The following WDR7 variants were observed in gnomAD, a reference collection of about 807,000 sequenced individuals.
WDR7 encodes WD repeat-containing protein 7.
In WDR7, 46 loss-of-function variants were observed where a neutral mutation model predicts 169.4. The ratio of observed to expected loss-of-function variants is 0.27; its 90% CI spans 0.21 to 0.35. The LOEUF (loss-of-function observed/expected upper bound fraction) is 0.35, where lower values mean the gene tolerates loss of function less well. Among genes scored for constraint, WDR7 ranks in the 10% least tolerant of loss-of-function variants. The pLI is 1.00. For synonymous variants in WDR7, 612 were observed against 666.8 expected (o/e 0.92, Z 1.27); for missense variants, 1,534 against 1,859.3 (o/e 0.83, Z 3.22).
intron 9 of WDR7, among the ~76,000 whole-genome samples, chr18:56,693,140 C>G (rs1316665907): frequency 2.0e-5 from 3 of 152,188 alleles, no homozygotes; most frequent in Non-Finnish European, 4.4e-5. Flanking sequence ...TTGGCTAATG[C>G]TTTTAGCTGT....
At chr18:56,786,914 T>C (rs922029268) in intron 19 of WDR7, among the ~76,000 whole-genome samples, 6 of 151,612 alleles carry the variant, frequency 4.0e-5, no homozygotes, top group Non-Finnish European at 8.8e-5. Context: ...GTAAATAGTT[T>C]TTGCCATTAA....
At chr18:56,907,654 A>G (rs1391099162) in intron 21 of WDR7, among the ~76,000 whole-genome samples, 2 of 152,218 alleles carry the variant, frequency 1.3e-5, no homozygotes, top group Non-Finnish European at 2.9e-5. Context: ...ATTAAAAAAC[A>G]GAAATGTATT....
intron 20 of WDR7, among the ~76,000 whole-genome samples, chr18:56,867,241 T>C (rs887758116): frequency 4.6e-5 from 7 of 152,136 alleles, no homozygotes; most frequent in Non-Finnish European, 7.4e-5. Flanking sequence ...TTCACCATGT[T>C]GCCTAGGCTG....
At chr18:56,899,757 A>C (rs2046375813) in intron 21 of WDR7, among the ~76,000 whole-genome samples, 1 of 152,082 alleles carries the variant, frequency 6.6e-6, no homozygotes, top group African/African-American at 2.4e-5. Flanking sequence ...ACTAATCTTG[A>C]CTATATCTAA....
Position 56,718,251 on chromosome 18 carries a change from G to C in WDR7, c.1774+92G>C, listed in dbSNP as rs77540331. On this transcript the variant is annotated intron_variant, in intron 13 of 27. Coordinates refer to ENST00000254442, the MANE Select transcript of WDR7 (RefSeq NM_015285.3). Reference sequence around the variant, plus strand: ...AATGTCTTTTATATGAAGAAAAAAGGCTTGAAATGTAAAATAGTTGCTACT... The same window carrying C: ...AATGTCTTTTATATGAAGAAAAAAGCCTTGAAATGTAAAATAGTTGCTACT... 11,962 of 1,308,154 alleles carry C rather than the reference G, an allele frequency of 9.1e-3. 547 individuals carry two copies. In the African/African-American group the frequency reaches 0.12, roughly 13 times the overall value. The allele number at this position is 1,308,154 out of a possible 1,614,324, so 81.0% of individuals were successfully genotyped here.
At chr18:56,729,246 A>G (rs1055079411) in intron 13 of WDR7, among the ~76,000 whole-genome samples, 2 of 152,200 alleles carry the variant, frequency 1.3e-5, no homozygotes, top group African/African-American at 4.8e-5. Context: ...AGAATATCAT[A>G]TTATTTTCAA....
intron 20 of WDR7, among the ~76,000 whole-genome samples, chr18:56,846,512 T>G (rs1392526831): frequency 1.3e-5 from 2 of 152,168 alleles, no homozygotes; most frequent in Non-Finnish European, 2.9e-5. Context: ...CTTCCCTCCA[T>G]GATTCTGAGG....
intron 26 of WDR7, chr18:57,009,976 G>T (rs922798935): frequency 1.0e-6 from 1 of 985,224 alleles, no homozygotes; most frequent in African/African-American, 1.7e-5. Context: ...CCATCATGAC[G>T]GACATTTACT....
chr18:56,895,141 A>G (rs2046314433), intron 21 of WDR7, among the ~76,000 whole-genome samples: 1 of 152,030 alleles, frequency 6.6e-6, no homozygotes, highest in Non-Finnish European at 1.5e-5. Context: ...TAGCAAATGT[A>G]GCAAAATAAG....
intron 21 of WDR7, among the ~76,000 whole-genome samples, chr18:56,903,582 G>A (rs965671753): frequency 6.6e-6 from 1 of 151,958 alleles, no homozygotes; most frequent in African/African-American, 2.4e-5. Flanking sequence ...ACCATGCCTG[G>A]CTAATTTTTG....
intron 20 of WDR7, among the ~76,000 whole-genome samples, chr18:56,836,456 A>G (rs527906042): frequency 1.3e-5 from 2 of 152,316 alleles, no homozygotes; most frequent in South Asian, 4.1e-4. Context: ...TTCACCAGCC[A>G]GTCACACAGA....
At position 56,739,130 on chromosome 18, in the gene WDR7, T is replaced by C. The variant is rs191367913; in HGVS notation, c.1989+7533T>C. Among the ~76,000 whole-genome samples, 18 of 152,246 alleles carry C rather than the reference T, an allele frequency of 1.2e-4. No individual in the cohort carries two copies. In the East Asian group the frequency reaches 3.5e-3, roughly 29 times the overall value. On this transcript the variant is annotated intron_variant, in intron 14 of 27. Coordinates refer to ENST00000254442, the MANE Select transcript of WDR7 (RefSeq NM_015285.3). Reference sequence around the variant, plus strand: ...CTCTGTTTTTCTCTGAAAACTGATATAGTAGTGTTTAGATCTACCATCTTA... The same window carrying C: ...CTCTGTTTTTCTCTGAAAACTGATACAGTAGTGTTTAGATCTACCATCTTA...
rs191883878 is a variant in WDR7, at chr18:57,007,275, G to A, written c.4165-13470G>A. On this transcript the variant is annotated intron_variant, in intron 26 of 27. Coordinates refer to ENST00000254442, the MANE Select transcript of WDR7 (RefSeq NM_015285.3). The stretch of plus-strand genomic sequence containing the variant: ...ATTACAGGCGTGAGCCACCGCTCCC[G>A]GCCTCCTAATGTTTAATAGTATATT... 3.3e-3 allele frequency among the ~76,000 whole-genome samples: 509 copies of A among 152,066 alleles called. 3 individuals carry two copies. Among genetic ancestry groups the A allele is most frequent in the African/African-American group, 0.012 (484 of 41,508 alleles).
chr18:56,928,884 C>T (rs2145664051), intron 22 of WDR7, among the ~76,000 whole-genome samples: 1 of 152,334 alleles, frequency 6.6e-6, no homozygotes, highest in Non-Finnish European at 1.5e-5. Flanking sequence ...GCTCCTAATA[C>T]TGTGTGATCT....
chr18:56,762,973 G>GTTTT (rs2144975900), intron 16 of WDR7, among the ~76,000 whole-genome samples: 1 of 141,690 alleles, frequency 7.1e-6, no homozygotes, highest in South Asian at 2.2e-4. Flanking sequence ...GTTTTGTTTT[G>GTTTT]TTTTTGAGAT....
At chr18:56,747,469 C>A (rs971366318) in intron 14 of WDR7, among the ~76,000 whole-genome samples, 1 of 152,068 alleles carries the variant, frequency 6.6e-6, no homozygotes, top group African/African-American at 2.4e-5. Context: ...TAAGCTAGGC[C>A]CCAAGCTACA....
At chr18:56,867,738 C>A (rs754761623) in intron 20 of WDR7, among the ~76,000 whole-genome samples, 1 of 152,068 alleles carries the variant, frequency 6.6e-6, no homozygotes, top group Non-Finnish European at 1.5e-5. Flanking sequence ...AGTTGTAATA[C>A]ATGAATGAGT....
intron 21 of WDR7, among the ~76,000 whole-genome samples, chr18:56,885,224 G>C (rs988373470): frequency 6.6e-6 from 1 of 152,022 alleles, no homozygotes; most frequent in East Asian, 1.9e-4. Flanking sequence ...ACAAAACAAG[G>C]TTTTGTAATA....
chr18:56,945,012 C>T (rs532106129), intron 25 of WDR7, among the ~76,000 whole-genome samples: 1 of 152,132 alleles, frequency 6.6e-6, no homozygotes, highest in African/African-American at 2.4e-5. Context: ...TTTTTTATAT[C>T]TAGCTTTTAA....
Sources: gnomAD v4.1 joint callset for allele counts (sites outside exome capture counted in the v4.1 genomes callset) on GRCh38, gnomAD v4.1.1 for gene constraint, MANE v1.5 for transcripts, NCBI Gene and HGNC (gene_info 2026-07-23, HGNC 2026-07-21) for gene names.